The following TTC38 variants were observed in gnomAD, a reference collection of about 807,000 sequenced individuals.
TTC38 encodes tetratricopeptide repeat protein 38.
In TTC38, 64 loss-of-function variants were observed where a neutral mutation model predicts 64.2. The observed-to-expected ratio is 1.00, with a 90% CI of 0.81 to 1.23. The LOEUF (loss-of-function observed/expected upper bound fraction) is 1.23, where lower values mean the gene tolerates loss of function less well. Among genes scored for constraint, TTC38 ranks in the 50% most tolerant of loss-of-function variants. TTC38 has a pLI of 0.00. For synonymous variants in TTC38, 254 were observed against 249.3 expected (o/e 1.02, Z -0.18); for missense variants, 573 against 615.5 (o/e 0.93, Z 0.73).
At position 46,275,410 on chromosome 22, in the gene TTC38, C is replaced by T; in HGVS notation, c.528C>T (p.Ile176=). 1 of 1,609,266 alleles carries T rather than the reference C, an allele frequency of 6.2e-7. No individual in the cohort carries two copies. The highest frequency in any genetic ancestry group is 8.5e-7 in the Non-Finnish European group (1 of 1,179,526). ...ARIYPFWTPD[I]PLSSYVKGIY... ...TTTACCCCTTCTGGACACCTGACAT[C>T]CCCCTAAGCAGGTATGTGCCAGCTG... The change falls in exon 5 of 14, where the codon ATC becomes ATT. Residue 176 remains isoleucine, a synonymous_variant. Coordinates refer to ENST00000381031, the MANE Select transcript of TTC38 (RefSeq NM_017931.4). This position sits in a 1 kb window ranked among gnomAD's most constrained non-coding sequence, Gnocchi z 4.5.
At chr22:46,279,235 C>T (rs769162996) in intron 6 of TTC38, among the ~76,000 whole-genome samples, 19 of 152,184 alleles carry the variant, frequency 1.2e-4, no homozygotes, top group South Asian at 6.2e-4. Flanking sequence ...AATGGTCTCA[C>T]GCTCTGGGGG....
At chr22:46,286,480 G>A (rs1461862580) in intron 9 of TTC38, among the ~76,000 whole-genome samples, 1 of 152,038 alleles carries the variant, frequency 6.6e-6, no homozygotes, top group Non-Finnish European at 1.5e-5. Flanking sequence ...GGCCAACGTG[G>A]TGAAATCCCA....
At position 46,289,876 on chromosome 22, in the gene TTC38, C is replaced by T; in HGVS notation, c.1293C>T (p.Ser431=). ...TTCACGCGGCCTTAAACTGCACCTC[C>T]AGCGTCCATAAGAACGTAGCCCGGT... ...LLIHAALNCT[S]SVHKNVARSL... The change falls in exon 13 of 14, where the codon TCC becomes TCT. Residue 431 remains serine (S), a synonymous_variant. Coordinates refer to ENST00000381031, the MANE Select transcript of TTC38 (RefSeq NM_017931.4). 6.2e-7 allele frequency: 1 copy of T among 1,614,204 alleles called. No individual in the cohort carries two copies. Among genetic ancestry groups the T allele is most frequent in the Non-Finnish European group, 8.5e-7 (1 of 1,180,036 alleles).
Position 46,287,111 on chromosome 22 carries a change from C to G in TTC38, c.873C>G (p.Asp291Glu), listed in dbSNP as rs189315376. Residue 291 changes from aspartate to glutamate, a missense_variant, in exon 10 of 14, where the codon GAC (aspartate) becomes GAG (glutamate). By Grantham distance (45) the Asp-to-Glu change is conservative. Transcript: ENST00000381031. ...TGCAGGCCAACGATGCAATGCTGGA[C>G]GTGGTGGACAGCTGCTCCATGCTCT... is the stretch of plus-strand genomic sequence containing the variant. ...PSLQANDAML[D>E]VVDSCSMLYR... is the part of the protein sequence containing the mutation. The G allele has an allele frequency of 6.2e-7, 1 of 1,606,128 alleles. No homozygotes were observed. Among genetic ancestry groups the G allele is most frequent in the African/African-American group, 1.3e-5 (1 of 74,904 alleles).
At chr22:46,289,253 A>T in intron 11 of TTC38, 149 bp from the exon 12 acceptor site, 1 of 1,032,012 alleles carries the variant, frequency 9.7e-7, no homozygotes. Flanking sequence ...TGTCCCCTCG[A>T]TGGGCTGCCC....
In TTC38 at chr22:46,281,811, G is replaced by A. The variant is rs2077537301; in HGVS notation, c.735+93G>A. The A allele has an allele frequency of 6.4e-7, 1 of 1,551,854 alleles. No individual in the cohort carries two copies. The highest frequency in any genetic ancestry group is 1.1e-5 in the South Asian group (1 of 88,118). On this transcript the variant is annotated intron_variant, in intron 7 of 13. Transcript: ENST00000381031. The surrounding 1 kb of genome is among the most constrained non-coding windows in gnomAD (Gnocchi z 5.2). ...TTTATGGACAAGAGTTACAGGGCAT[G>A]GCTTAATTCTCGGGGTTCCCTCTCC...
At position 46,272,410 on chromosome 22, in the gene TTC38, A is replaced by C. The variant is rs1424446071; in HGVS notation, c.187A>C (p.Thr63Pro). Residue 63 changes from threonine (T) to proline (P), a missense_variant, in exon 3 of 14, where the codon ACC (threonine) becomes CCC (proline). Thr to Pro is a conservative substitution (Grantham distance 38). Transcript: ENST00000381031. The surrounding 1 kb of genome is among the most constrained non-coding windows in gnomAD (Gnocchi z 6.4). ...GTCAAAGCTCAAAGCAGCAGATCCA[A>C]CCTTTGGTGAGTAACGCCTTCCCTG... ...CLSKLKAADPTFVMGHAMATG... is the reference protein window; with the variant it reads ...CLSKLKAADPPFVMGHAMATG... 9 of 1,613,514 alleles carry C rather than the reference A, an allele frequency of 5.6e-6. No homozygotes were observed. In the East Asian group the frequency reaches 2.0e-4, roughly 36 times the overall value.
In TTC38 at chr22:46,291,592, C is replaced by T. The variant is rs947246575; in HGVS notation, c.1317-1199C>T. Among the ~76,000 whole-genome samples, 23 of 152,202 alleles carry T rather than the reference C, an allele frequency of 1.5e-4. No individual in the cohort carries two copies. The highest frequency in any genetic ancestry group is 8.8e-5 in the Non-Finnish European group (6 of 68,036). ...GGCCCCAGCCCCTTCACACCACCCA[C>T]GCCCTCTAGAACCACTGTTTTCAGG... On this transcript the variant is annotated intron_variant, in intron 13 of 13. Transcript: ENST00000381031. The surrounding 1 kb of genome is among the most constrained non-coding windows in gnomAD (Gnocchi z 4.6).
At position 46,292,035 on chromosome 22, in the gene TTC38, G is replaced by C. The variant is rs1259955905; in HGVS notation, c.1317-756G>C. 6.6e-6 allele frequency among the ~76,000 whole-genome samples: 1 copy of C among 152,202 alleles called. No individual in the cohort carries two copies. The highest frequency in any genetic ancestry group is 1.5e-5 in the Non-Finnish European group (1 of 68,046). On this transcript the variant is annotated intron_variant, in intron 13 of 13. Transcript: ENST00000381031. The surrounding 1 kb of genome is among the most constrained non-coding windows in gnomAD (Gnocchi z 6.5). ...CACTGTCTCACAGTTCTGGAGGCTG[G>C]AATGTCCAGGAACAAGGCCTGGCTG...
Position 46,275,197 on chromosome 22 carries a change from G to T in TTC38, c.366-51G>T. The T allele has an allele frequency of 6.4e-7, 1 of 1,552,124 alleles. No individual in the cohort carries two copies. The highest frequency in any genetic ancestry group is 2.2e-5 in the East Asian group (1 of 44,508). ...AAACAATGCCTCTTACACTCCCTGT[G>T]TGGGTGGACTATGTGTTCAGCGTTG... On this transcript the variant is annotated intron_variant, in intron 4 of 13. Transcript: ENST00000381031. This position sits in a 1 kb window ranked among gnomAD's most constrained non-coding sequence, Gnocchi z 4.5.
At chr22:46,287,732 C>A (rs999173228) in intron 10 of TTC38, among the ~76,000 whole-genome samples, 1 of 152,172 alleles carries the variant, frequency 6.6e-6, no homozygotes, top group African/African-American at 2.4e-5. Context: ...GTCAGCAGTA[C>A]GATGAGGGCT....
At position 46,275,296 on chromosome 22, in the gene TTC38, C is replaced by T; in HGVS notation, c.414C>T (p.His138=). ...TATGGGAACAGATTCTCCAGGACCA[C>T]CCGACAGACATGTTGGCCCTGAAAT... ...CELWEQILQD[H]PTDMLALKFS... The change falls in exon 5 of 14, where the codon CAC becomes CAT. Residue 138 remains histidine (H), a synonymous_variant. Coordinates refer to ENST00000381031, the MANE Select transcript of TTC38 (RefSeq NM_017931.4). This position sits in a 1 kb window ranked among gnomAD's most constrained non-coding sequence, Gnocchi z 4.5. 1 of 1,614,148 alleles carries T rather than the reference C, an allele frequency of 6.2e-7. No individual in the cohort carries two copies.
chr22:46,271,015 T>TA lies in TTC38; in HGVS notation c.112-1310dup, dbSNP rs35264572. 0.14 allele frequency among the ~76,000 whole-genome samples: 21,016 copies of TA among 150,016 alleles called. 3,405 individuals carry two copies. The highest frequency in any genetic ancestry group is 0.4 in the African/African-American group (16,392 of 41,046). ...TGACAGGGCAAGATTCTGTCTCAAT[T>TA]AAAAAAAAAATGATAAAATGAGCTT... On this transcript the variant is annotated intron_variant, in intron 2 of 13. Coordinates refer to ENST00000381031, the MANE Select transcript of TTC38 (RefSeq NM_017931.4). The surrounding 1 kb of genome is among the most constrained non-coding windows in gnomAD (Gnocchi z 5.5).
At chr22:46,289,794 C>G (rs1182115524) in intron 12 of TTC38, 32 bp from the exon 13 acceptor site, 1 of 1,612,000 alleles carries the variant, frequency 6.2e-7, no homozygotes, top group Non-Finnish European at 8.5e-7. Context: ...TCCTGAGGTA[C>G]AGGAGACTCA....
chr22:46,292,257 C>G lies in TTC38; in HGVS notation c.1317-534C>G. The stretch of plus-strand genomic sequence containing the variant: ...GGAATGCAGTGGTGTGATCACAGTT[C>G]ACTGTAAACTCAAACTCCTGGGCTC... On this transcript the variant is annotated intron_variant, in intron 13 of 13. Transcript: ENST00000381031. The surrounding 1 kb of genome is among the most constrained non-coding windows in gnomAD (Gnocchi z 6.5). 4.5e-6 allele frequency: 2 copies of G among 443,810 alleles called. No individual in the cohort carries two copies. Among genetic ancestry groups the G allele is most frequent in the Non-Finnish European group, 9.0e-6 (2 of 222,968 alleles). 27.5% of individuals were successfully genotyped at this position (443,810 alleles called of 1,614,324 possible).
intron 9 of TTC38, among the ~76,000 whole-genome samples, chr22:46,286,328 G>A (rs1462305421): frequency 4.6e-5 from 7 of 152,134 alleles, no homozygotes; most frequent in South Asian, 2.1e-4. Flanking sequence ...AATTTCCCTT[G>A]AAGTAATCCT....
Position 46,282,891 on chromosome 22 carries a change from T to TG in TTC38, c.736-1080dup, listed in dbSNP as rs1338788470. Among the ~76,000 whole-genome samples the TG allele has an allele frequency of 2.6e-5, 4 of 152,268 alleles. No homozygotes were observed. In the East Asian group the frequency reaches 7.7e-4, roughly 29 times the overall value. ...CTCTCGGGGCTTTGCCAGCACCTGT[T>TG]GGAGTGTGGCCCTGGGCCTGTTGAT... On this transcript the variant is annotated intron_variant, in intron 7 of 13. Transcript: ENST00000381031. This position sits in a 1 kb window ranked among gnomAD's most constrained non-coding sequence, Gnocchi z 4.4.
Position 46,293,170 on chromosome 22 carries a change from T to C in TTC38, c.*286T>C. The C allele has an allele frequency of 2.5e-6, 1 of 402,276 alleles. No individual in the cohort carries two copies. Among genetic ancestry groups the C allele is most frequent in the African/African-American group, 2.0e-5 (1 of 50,622 alleles). The allele number at this position is 402,276 out of a possible 1,614,324, so 24.9% of individuals were successfully genotyped here. Reference sequence around the variant, plus strand: ...GCAAATTCTGTTTCCCAGGGGAATGTGTCTACTGCCTGGTGGTTCAAAGGT... The same window carrying C: ...GCAAATTCTGTTTCCCAGGGGAATGCGTCTACTGCCTGGTGGTTCAAAGGT... On this transcript the variant is annotated 3_prime_UTR_variant, in exon 14 of 14. Transcript: ENST00000381031. The surrounding 1 kb of genome is among the most constrained non-coding windows in gnomAD (Gnocchi z 6.6).
Position 46,292,088 on chromosome 22 carries a change from C to T in TTC38, c.1317-703C>T. 2.9e-6 allele frequency: 1 copy of T among 344,420 alleles called. No individual in the cohort carries two copies. Among genetic ancestry groups the T allele is most frequent in the Non-Finnish European group, 5.7e-6 (1 of 176,252 alleles). The allele number at this position is 344,420 out of a possible 1,614,324, so 21.3% of individuals were successfully genotyped here. A position where few individuals can be genotyped will look rare whatever the true frequency, so the allele number is the denominator to read the frequency against. On this transcript the variant is annotated intron_variant, in intron 13 of 13. Coordinates refer to ENST00000381031, the MANE Select transcript of TTC38 (RefSeq NM_017931.4). The surrounding 1 kb of genome is among the most constrained non-coding windows in gnomAD (Gnocchi z 6.5). The stretch of plus-strand genomic sequence containing the variant: ...TTCAGTTTCTGCTGAGGCCTCTCTT[C>T]CTGGCTTGTGGACAGCCACTTTCTT...
Sources: allele counts gnomAD v4.1 joint callset (sites outside exome capture counted in the v4.1 genomes callset), GRCh38; gene constraint gnomAD v4.1.1; non-coding constraint Gnocchi (gnomAD v3.1); transcripts MANE v1.5; gene names NCBI Gene and HGNC (gene_info 2026-07-23, HGNC 2026-07-21).